RBPMS: variants seen among roughly 807,000 people sequenced by gnomAD.
RBPMS encodes the protein RNA binding protein, mRNA processing factor.
A neutral mutation model predicts 26.8 loss-of-function variants in RBPMS; 7 were observed. The ratio of observed to expected loss-of-function variants is 0.26; its 90% CI spans 0.15 to 0.49. The LOEUF (loss-of-function observed/expected upper bound fraction) is 0.49, where lower values mean the gene tolerates loss of function less well. Ranked by LOEUF, RBPMS falls within the 20% of genes least tolerant of loss-of-function variation. RBPMS has a pLI of 0.98. For synonymous variants in RBPMS, 96 were observed against 93.3 expected (o/e 1.03, Z -0.17); for missense variants, 186 against 250.0 (o/e 0.74, Z 1.73).
chr8:30,454,480 T>G (rs1814967598), intron 1 of RBPMS, among the ~76,000 whole-genome samples: 1 of 152,192 alleles, frequency 6.6e-6, no homozygotes, highest in Non-Finnish European at 1.5e-5. Flanking sequence ...TGCAACTCCT[T>G]TTCTTAACAT....
intron 1 of RBPMS, among the ~76,000 whole-genome samples, chr8:30,471,160 T>G (rs1253617646): frequency 6.6e-6 from 1 of 152,208 alleles, no homozygotes; most frequent in Non-Finnish European, 1.5e-5. Flanking sequence ...TAGAAACATT[T>G]GAGTACACAT....
chr8:30,567,763 T>C (rs560187565), intron 8 of RBPMS, among the ~76,000 whole-genome samples: 57 of 152,326 alleles, frequency 3.7e-4, no homozygotes, highest in African/African-American at 1.3e-3. Context: ...GTCACGGTCC[T>C]GGGGGCAGCT....
intron 1 of RBPMS, among the ~76,000 whole-genome samples, chr8:30,416,724 C>A (rs1284613831): frequency 4.6e-5 from 7 of 152,070 alleles, no homozygotes. Flanking sequence ...CCGCCTGCCT[C>A]GGCCTCCCAA....
Position 30,385,155 on chromosome 8 carries a change from G to A in RBPMS, c.63G>A (p.Glu21=). The change falls in exon 1 of 9, where the codon GAG becomes GAA. Residue 21 remains glutamate (E), a synonymous_variant. Coordinates refer to ENST00000397323, the MANE Select transcript of RBPMS (RefSeq NM_001008710.3). ...CGAGCGAGGCCAACCTTCAGGAGGA[G>A]GAGGTACTGGGCGGCTCGGTGTGGT... ...NTPSEANLQE[E]EVRTLFVSGL... 5 of 1,515,696 alleles carry A rather than the reference G, an allele frequency of 3.3e-6. No individual in the cohort carries two copies. Among genetic ancestry groups the A allele is most frequent in the Non-Finnish European group, 4.4e-6 (5 of 1,132,228 alleles). 93.9% of individuals were successfully genotyped at this position (1,515,696 alleles called of 1,614,324 possible).
At chr8:30,471,280 A>G (rs531012556) in intron 1 of RBPMS, among the ~76,000 whole-genome samples, 4 of 152,262 alleles carry the variant, frequency 2.6e-5, no homozygotes, top group African/African-American at 9.6e-5. Flanking sequence ...TGGCTGTGTA[A>G]TATTTCATTG....
chr8:30,488,111 T>C (rs1186237527), intron 4 of RBPMS, among the ~76,000 whole-genome samples: 1 of 152,176 alleles, frequency 6.6e-6, no homozygotes, highest in Non-Finnish European at 1.5e-5. Flanking sequence ...AAATCTGGTT[T>C]CTCCTTTATT....
At chr8:30,467,801 A>C (rs1816672649) in intron 1 of RBPMS, among the ~76,000 whole-genome samples, 1 of 152,198 alleles carries the variant, frequency 6.6e-6, no homozygotes, top group Admixed American at 6.5e-5. Flanking sequence ...GGACATGCTG[A>C]GTTTGTATTT....
At chr8:30,511,448 C>A (rs1821582076) in intron 5 of RBPMS, among the ~76,000 whole-genome samples, 1 of 131,872 alleles carries the variant, frequency 7.6e-6, no homozygotes, top group Admixed American at 8.3e-5. Flanking sequence ...ATGGCAAAAC[C>A]CCATCTCTTT....
chr8:30,471,172 C>T (rs952374354), intron 1 of RBPMS, among the ~76,000 whole-genome samples: 5 of 152,116 alleles, frequency 3.3e-5, no homozygotes, highest in Non-Finnish European at 5.9e-5. Flanking sequence ...AGTACACATA[C>T]TATAAGATAA....
intron 4 of RBPMS, among the ~76,000 whole-genome samples, chr8:30,480,659 A>G (rs758575712): frequency 2.6e-5 from 4 of 152,208 alleles, no homozygotes; most frequent in Non-Finnish European, 5.9e-5. Context: ...GTATAAACCA[A>G]TTATTTATTG....
intron 5 of RBPMS, among the ~76,000 whole-genome samples, chr8:30,543,136 A>G (rs1253610876): frequency 2.0e-5 from 3 of 152,192 alleles, no homozygotes; most frequent in East Asian, 1.9e-4. Flanking sequence ...GGGTCCCATC[A>G]TATCTGAAAA....
At chr8:30,470,219 A>G (rs2150812277) in intron 1 of RBPMS, among the ~76,000 whole-genome samples, 1 of 152,194 alleles carries the variant, frequency 6.6e-6, no homozygotes, top group Non-Finnish European at 1.5e-5. Context: ...CCCCATCTCT[A>G]CTAAAAATAC....
chr8:30,411,252 C>G (rs933096794), intron 1 of RBPMS, among the ~76,000 whole-genome samples: 7 of 151,936 alleles, frequency 4.6e-5, no homozygotes, highest in African/African-American at 1.7e-4. Context: ...CTGTGTTTTG[C>G]TCCTCCTGGA....
chr8:30,527,603 G>A (rs1823729394), intron 5 of RBPMS, among the ~76,000 whole-genome samples: 1 of 152,128 alleles, frequency 6.6e-6, no homozygotes, highest in Non-Finnish European at 1.5e-5. Flanking sequence ...GCCCCACACT[G>A]TGTGTGCTGT....
chr8:30,560,132 G>A lies in RBPMS; in HGVS notation c.*7+1176G>A, dbSNP rs190073415. ...GTCAGTGAAGAAGAAAGAGAGCATT[G>A]AATAAGATTTTTAAAGAGTGCTAGG... On this transcript the variant is annotated intron_variant, in intron 7 of 8. Coordinates refer to ENST00000397323, the MANE Select transcript of RBPMS (RefSeq NM_001008710.3). Among the ~76,000 whole-genome samples, 55 of 152,270 alleles carry A rather than the reference G, an allele frequency of 3.6e-4. No homozygotes were observed. The East Asian group carries it at 8.3e-3, about 23-fold the overall frequency.
chr8:30,436,416 T>A (rs1389660476), intron 1 of RBPMS, among the ~76,000 whole-genome samples: 2 of 152,246 alleles, frequency 1.3e-5, no homozygotes, highest in African/African-American at 4.8e-5. Context: ...CTAATTTCTC[T>A]TGAGCCTTGC....
chr8:30,478,240 C>CG (rs1563357224), intron 3 of RBPMS, among the ~76,000 whole-genome samples: 1 of 152,110 alleles, frequency 6.6e-6, no homozygotes, highest in Non-Finnish European at 1.5e-5. Context: ...GGCAGAGTCC[C>CG]GAGTCCAGAA....
intron 5 of RBPMS, among the ~76,000 whole-genome samples, chr8:30,542,124 T>C (rs893589138): frequency 6.6e-6 from 1 of 152,234 alleles, no homozygotes; most frequent in African/African-American, 2.4e-5. Context: ...CTTTATCTCT[T>C]TTAGGCTTCT....
At chr8:30,486,133 G>A (rs890434306) in intron 4 of RBPMS, among the ~76,000 whole-genome samples, 3 of 152,082 alleles carry the variant, frequency 2.0e-5, no homozygotes, top group Non-Finnish European at 4.4e-5. Context: ...GATCACCTGA[G>A]GTCAGGAGTT....
Sources: allele counts gnomAD v4.1 joint callset (sites outside exome capture counted in the v4.1 genomes callset), GRCh38; gene constraint gnomAD v4.1.1; transcripts MANE v1.5; gene names NCBI Gene and HGNC (gene_info 2026-07-23, HGNC 2026-07-21).